HPSE2: variants seen among roughly 807,000 people sequenced by gnomAD.
The protein encoded by HPSE2 is inactive heparanase-2.
A neutral mutation model predicts 60.5 loss-of-function variants in HPSE2; 38 were observed. The observed-to-expected ratio is 0.63, with a 90% CI of 0.48 to 0.82. The LOEUF is 0.82. HPSE2 is among the 40% of genes least tolerant of loss of function. The probability of loss-of-function intolerance (pLI) is 0.00; values close to 1 mark genes in which losing one functional copy is unlikely to be tolerated. For synonymous variants in HPSE2, 295 were observed against 293.2 expected, an observed-to-expected ratio of 1.01 and a Z score of -0.06; for missense variants, 713 against 740.4, an observed-to-expected ratio of 0.96 and a Z score of 0.43.
At chr10:98,571,596 C>A (rs939868649) in intron 9 of HPSE2, among the ~76,000 whole-genome samples, 1 of 150,888 alleles carries the variant, frequency 6.6e-6, no homozygotes, top group Admixed American at 6.7e-5. Flanking sequence ...CCTAACATAT[C>A]CATAGTAGAC....
intron 9 of HPSE2, among the ~76,000 whole-genome samples, chr10:98,557,015 T>C (rs184628447): frequency 7.1e-6 from 1 of 140,122 alleles, no homozygotes; most frequent in East Asian, 2.2e-4. Context: ...ATTGAGACCA[T>C]CCTGGCTAAC....
intron 3 of HPSE2, among the ~76,000 whole-genome samples, chr10:98,984,278 C>A (rs1476064494): frequency 6.6e-6 from 1 of 152,200 alleles, no homozygotes; most frequent in Non-Finnish European, 1.5e-5. Flanking sequence ...CGGCCAGGTA[C>A]TCCTCTGAGA....
the HPSE2 span, among the ~76,000 whole-genome samples, chr10:99,274,641 T>A: frequency 4.6e-5 from 7 of 151,996 alleles, no homozygotes; most frequent in Non-Finnish European, 8.8e-5. Context: ...TAAAAAAAAA[T>A]TCAACCACAA....
At chr10:99,307,045 C>T in the HPSE2 span, among the ~76,000 whole-genome samples, 1 of 152,144 alleles carries the variant, frequency 6.6e-6, no homozygotes. Flanking sequence ...ACTGGCTTTG[C>T]TGATTGCTAG....
Position 99,053,730 on chromosome 10 carries a change from T to TTTC in HPSE2, c.610+90507_610+90508insGAA, listed in dbSNP as rs1564768648. Among the ~76,000 whole-genome samples, 7 of 126,646 alleles carry TTTC rather than the reference T, an allele frequency of 5.5e-5. No homozygotes were observed. In the South Asian group the frequency reaches 1.8e-3, roughly 32 times the overall value. 83.1% of individuals were successfully genotyped at this position (126,646 alleles called of 152,430 possible). On this transcript the variant is annotated intron_variant, in intron 3 of 11. Transcript: ENST00000370552. The stretch of plus-strand genomic sequence containing the variant: ...CAGAGAGTTACAGTCTTTTTTTTTT[T>TTTC]TTTTTTTTTTTTTTTTTGAGACAGA...
At position 98,745,923 on chromosome 10, in the gene HPSE2, T is replaced by C. The variant is rs558387403; in HGVS notation, c.611-1867A>G. Among the ~76,000 whole-genome samples, 5 of 152,316 alleles carry C rather than the reference T, an allele frequency of 3.3e-5. No homozygotes were observed. The South Asian group carries it at 1.0e-3, about 32-fold the overall frequency. On this transcript the variant is annotated intron_variant, in intron 3 of 11. Coordinates refer to ENST00000370552, the MANE Select transcript of HPSE2 (RefSeq NM_021828.5). ...ATTAGCAATTTTGTTATAGATCTTT[T>C]AGTCCTTTAAAAAAGAACCATTATC...
At chr10:98,950,391 G>C (rs1955320854) in intron 3 of HPSE2, among the ~76,000 whole-genome samples, 1 of 152,068 alleles carries the variant, frequency 6.6e-6, no homozygotes, top group Admixed American at 6.6e-5. Flanking sequence ...ACACACTAGT[G>C]GTACTTGAAA....
At chr10:98,613,581 G>A (rs1356450021) in intron 9 of HPSE2, among the ~76,000 whole-genome samples, 1 of 152,196 alleles carries the variant, frequency 6.6e-6, no homozygotes, top group East Asian at 1.9e-4. Context: ...GGAATGGAGG[G>A]AGTGGTAGAA....
intron 3 of HPSE2, chr10:99,013,353 T>C (rs1957061177): frequency 3.3e-6 from 2 of 605,610 alleles, no homozygotes; most frequent in Non-Finnish European, 6.3e-6. Flanking sequence ...CCTCTCTCTG[T>C]CTGTACTGTT....
intron 2 of HPSE2, among the ~76,000 whole-genome samples, chr10:99,195,319 A>T (rs1848356346): frequency 6.6e-6 from 1 of 152,132 alleles, no homozygotes; most frequent in Admixed American, 6.5e-5. Flanking sequence ...AAGTGCACCC[A>T]ATTACACCAC....
intron 9 of HPSE2, among the ~76,000 whole-genome samples, chr10:98,540,412 C>G (rs1180287897): frequency 6.6e-6 from 1 of 152,142 alleles, no homozygotes; most frequent in African/African-American, 2.4e-5. Flanking sequence ...AGTAAAGAGC[C>G]CATGACCGTG....
intron 3 of HPSE2, among the ~76,000 whole-genome samples, chr10:99,082,187 G>T (rs776993435): frequency 6.6e-6 from 1 of 152,070 alleles, no homozygotes; most frequent in Non-Finnish European, 1.5e-5. Flanking sequence ...TGTGGTCACC[G>T]CGTCAATGAG....
chr10:99,278,090 C>CA, the HPSE2 span, among the ~76,000 whole-genome samples: 507 of 118,256 alleles, frequency 4.3e-3, 6 homozygotes, highest in African/African-American at 7.7e-3. Flanking sequence ...GACTCCCTCT[C>CA]AAAAAAAAAA....
chr10:98,648,611 T>C (rs1946838058), intron 6 of HPSE2, among the ~76,000 whole-genome samples: 1 of 151,716 alleles, frequency 6.6e-6, no homozygotes, highest in Non-Finnish European at 1.5e-5. Context: ...GAGACCCTCG[T>C]CTCTACAAAA....
intron 3 of HPSE2, among the ~76,000 whole-genome samples, chr10:98,793,060 G>A (rs1390547949): frequency 6.6e-6 from 1 of 152,188 alleles, no homozygotes; most frequent in African/African-American, 2.4e-5. Context: ...TGTTCTAAAA[G>A]TATGTGAATG....
intron 8 of HPSE2, among the ~76,000 whole-genome samples, chr10:98,620,117 C>G (rs1946032470): frequency 6.6e-6 from 1 of 152,160 alleles, no homozygotes; most frequent in Non-Finnish European, 1.5e-5. Flanking sequence ...ATAAATAAAG[C>G]ACTTCAGACA....
chr10:98,947,930 C>T (rs1955238316), intron 3 of HPSE2, among the ~76,000 whole-genome samples: 1 of 152,072 alleles, frequency 6.6e-6, no homozygotes, highest in African/African-American at 2.4e-5. Context: ...ACGTTCCTGG[C>T]CACCCAGAAC....
chr10:98,813,066 G>A (rs1951205093), intron 3 of HPSE2, among the ~76,000 whole-genome samples: 1 of 152,072 alleles, frequency 6.6e-6, no homozygotes, highest in African/African-American at 2.4e-5. Context: ...AAGAATTATT[G>A]GTCTTGGCTT....
chr10:99,270,964 T>C, the HPSE2 span, among the ~76,000 whole-genome samples: 2 of 152,112 alleles, frequency 1.3e-5, no homozygotes, highest in Admixed American at 6.6e-5. Flanking sequence ...CTCAACAAAA[T>C]TGGCATAGAA....
Sources: gnomAD v4.1 joint callset for allele counts (sites outside exome capture counted in the v4.1 genomes callset) on GRCh38, gnomAD v4.1.1 for gene constraint, MANE v1.5 for transcripts, NCBI Gene and HGNC (gene_info 2026-07-23, HGNC 2026-07-21) for gene names.